The following CDK12 variants were observed in gnomAD, a reference collection of about 807,000 sequenced individuals.
CDK12 encodes cyclin-dependent kinase 12.
Under a neutral mutation model 133.8 loss-of-function variants are expected in CDK12, and 17 were observed. The ratio of observed to expected loss-of-function variants is 0.13; its 90% CI spans 0.09 to 0.19. The LOEUF (loss-of-function observed/expected upper bound fraction) is 0.19, where lower values mean the gene tolerates loss of function less well. CDK12 is among the 10% of genes least tolerant of loss of function. The pLI is 1.00. For missense variants in CDK12, 1,508 were observed against 1,818.7 expected (o/e 0.83, Z 3.11); for synonymous variants, 694 against 683.6 (o/e 1.02, Z -0.24).
chr17:39,565,880 T>A (rs2056556687), downstream of CDK12, among the ~76,000 whole-genome samples: 2 of 152,128 alleles, frequency 1.3e-5, no homozygotes, highest in Non-Finnish European at 2.9e-5. Context: ...AGGAAGGAGT[T>A]CTTCTGAGCT....
chr17:39,535,082 AAAATCTC>A (rs1219293372), downstream of CDK12: 1 of 152,220 alleles, frequency 6.6e-6, no homozygotes, highest in African/African-American at 2.4e-5. Context: ...TTTAAAAGTT[AAAATCTC>A]TATTGTTTCC....
In CDK12 at chr17:39,482,599, A is replaced by T. The variant is rs1049516983; in HGVS notation, c.1932-7958A>T. Among the ~76,000 whole-genome samples, 434 of 74,278 alleles carry T rather than the reference A, an allele frequency of 5.8e-3. 1 individual carries two copies. Among genetic ancestry groups the T allele is most frequent in the Middle Eastern group, 0.013 (1 of 76 alleles). 48.7% of individuals were successfully genotyped at this position (74,278 alleles called of 152,430 possible). A position where few individuals can be genotyped will look rare whatever the true frequency, so the allele number is the denominator to read the frequency against. On this transcript the variant is annotated intron_variant, in intron 2 of 13. Transcript: ENST00000447079. ...GCTGCCAAAGTGAACAATCAACTAC[A>T]TTTTTTTTTTTTTTTTTTTTTGAGG...
At chr17:39,510,512 C>A (rs983293407) in intron 7 of CDK12, among the ~76,000 whole-genome samples, 2 of 152,182 alleles carry the variant, frequency 1.3e-5, no homozygotes, top group African/African-American at 4.8e-5. Flanking sequence ...TTATCACTTA[C>A]ATTTTAGGCA....
At chr17:39,507,017 C>T (rs556946116) in intron 6 of CDK12, among the ~76,000 whole-genome samples, 26 of 152,104 alleles carry the variant, frequency 1.7e-4, no homozygotes, top group African/African-American at 6.0e-4. Context: ...CCACCTCAGC[C>T]TCCCAAGTGG....
At chr17:39,534,955 C>T (rs1598205351), downstream of CDK12, 1 of 152,224 alleles carries the variant, frequency 6.6e-6, no homozygotes, top group Non-Finnish European at 1.5e-5. Flanking sequence ...GACTTCACCA[C>T]CCACCCTACC....
In CDK12 at chr17:39,498,867, G is replaced by A. The variant is rs1453208850; in HGVS notation, c.2420-2383G>A. Among the ~76,000 whole-genome samples, 3 of 145,102 alleles carry A rather than the reference G, an allele frequency of 2.1e-5. 1 individual carries two copies. The highest frequency in any genetic ancestry group is 4.5e-5 in the Non-Finnish European group (3 of 66,304). Reference sequence around the variant, plus strand: ...TTTTTCTCTCAATTTTTAATACTATGATTTTCTCTTTCTTTCTTTCTTTCT... The same window carrying A: ...TTTTTCTCTCAATTTTTAATACTATAATTTTCTCTTTCTTTCTTTCTTTCT... On this transcript the variant is annotated intron_variant, in intron 5 of 13. Transcript: ENST00000447079.
At chr17:39,492,440 C>T (rs1452555159) in intron 3 of CDK12, among the ~76,000 whole-genome samples, 1 of 141,120 alleles carries the variant, frequency 7.1e-6, no homozygotes, top group Non-Finnish European at 1.5e-5. Flanking sequence ...GGGTGTCTTG[C>T]TCTGTCGCCC....
rs1478391183 is a variant in CDK12, at chr17:39,520,020, A to T, written c.3028A>T (p.Thr1010Ser). Residue 1010 changes from threonine (T) to serine (S), a missense_variant, in exon 11 of 14, where the codon ACA (threonine) becomes TCA (serine). This residue lies in a region of CDK12 where 399 missense variants were observed against 469.6 expected (regional missense o/e 0.85). Transcript: ENST00000447079. ...MLTLDPSKRC[T>S]AEQTLQSDFL... ...GACACTAGATCCTAGTAAGCGGTGC[A>T]CAGCTGAACAGACCCTACAGAGCGA... The T allele has an allele frequency of 1.2e-6, 2 of 1,614,054 alleles. No individual in the cohort carries two copies. The highest frequency in any genetic ancestry group is 3.3e-5 in the Admixed American group (2 of 60,000).
intron 8 of CDK12, among the ~76,000 whole-genome samples, chr17:39,513,918 A>C (rs2053639062): frequency 6.6e-6 from 1 of 152,210 alleles, no homozygotes; most frequent in Non-Finnish European, 1.5e-5. Flanking sequence ...CTAGTACAGC[A>C]AATTATGTCA....
chr17:39,561,180 C>A (rs1228781759), intron 3 of CDK12, among the ~76,000 whole-genome samples: 1 of 152,132 alleles, frequency 6.6e-6, no homozygotes, highest in African/African-American at 2.4e-5. Flanking sequence ...CCTTTGGATG[C>A]CTATCAGAGG....
intron 3 of CDK12, 85 bp downstream of exon 3, chr17:39,490,818 C>T (rs1567721955): frequency 1.0e-6 from 1 of 983,306 alleles, no homozygotes; most frequent in African/African-American, 1.6e-5. Flanking sequence ...CTATAACCCA[C>T]ACCAGTAAGA....
chr17:39,471,503 A>G lies in CDK12; in HGVS notation c.1671A>G (p.Ile557Met). The change falls in exon 2 of 14, where the codon ATA (isoleucine) becomes ATG (methionine). Residue 557 changes from isoleucine (I) to methionine (M), a missense_variant. Physicochemically the swap from Ile to Met is conservative, Grantham distance 10 (BLOSUM62 1). This residue lies in a region of CDK12 where 347 missense variants were observed against 330.8 expected (regional missense o/e 1.05). Transcript: ENST00000447079. ...QTPPLPPLPP[I>M]PALPQQPPLP... ...CCCCTTTGCCACCTTTGCCTCCAAT[A>G]CCAGCTCTTCCACAGCAACCACCTC... The G allele has an allele frequency of 6.2e-7, 1 of 1,611,734 alleles. No homozygotes were observed. Among genetic ancestry groups the G allele is most frequent in the Non-Finnish European group, 8.5e-7 (1 of 1,179,682 alleles).
At chr17:39,529,145 A>C (rs1316999113) in intron 13 of CDK12, among the ~76,000 whole-genome samples, 1 of 152,142 alleles carries the variant, frequency 6.6e-6, no homozygotes, top group Non-Finnish European at 1.5e-5. Flanking sequence ...TTTAAAGCTG[A>C]ACATTGACAA....
chr17:39,530,529 C>T, intron 13 of CDK12, 75 bp from the exon 14 acceptor site: 1 of 1,504,264 alleles, frequency 6.6e-7, no homozygotes. Flanking sequence ...GTTTATGTTG[C>T]ACAGTGTGTG....
At chr17:39,506,982 C>T (rs944409788) in intron 6 of CDK12, among the ~76,000 whole-genome samples, 8 of 151,834 alleles carry the variant, frequency 5.3e-5, no homozygotes, top group South Asian at 2.1e-4. Context: ...CTGCAACCTC[C>T]GCCTCCCAGG....
upstream of CDK12, among the ~76,000 whole-genome samples, chr17:39,544,781 C>T (rs1291601991): frequency 6.6e-6 from 1 of 152,074 alleles, no homozygotes; most frequent in Non-Finnish European, 1.5e-5. Flanking sequence ...CAGGCATGCA[C>T]CACCACACCC....
chr17:39,511,384 T>G, intron 7 of CDK12, 145 bp from the exon 8 acceptor site: 1 of 563,448 alleles, frequency 1.8e-6, no homozygotes, highest in Admixed American at 2.9e-5. Context: ...TCTGAACAGT[T>G]TGCTTTTGGA....
intron 2 of CDK12, among the ~76,000 whole-genome samples, chr17:39,485,193 A>G (rs892106987): frequency 6.7e-6 from 1 of 150,266 alleles, no homozygotes; most frequent in Non-Finnish European, 1.5e-5. Flanking sequence ...AAAAAAGTTC[A>G]GACACTCTGG....
Position 39,461,730 on chromosome 17 carries a change from C to T in CDK12, c.-342C>T, listed in dbSNP as rs2048974049. ...AGAGCTGGAGTCGGCTCCACAGCCC[C>T]GGGCCGTCGGCTTCTCACTTCCTGG... On this transcript the variant is annotated 5_prime_UTR_variant, in exon 1 of 14. Transcript: ENST00000447079. The T allele has an allele frequency of 1.1e-5, 4 of 364,430 alleles. No homozygotes were observed. Among genetic ancestry groups the T allele is most frequent in the Non-Finnish European group, 2.0e-5 (4 of 197,932 alleles). The allele number at this position is 364,430 out of a possible 1,614,324, so 22.6% of individuals were successfully genotyped here. A position where few individuals can be genotyped will look rare whatever the true frequency, so the allele number is the denominator to read the frequency against.
Sources: allele counts gnomAD v4.1 joint callset (sites outside exome capture counted in the v4.1 genomes callset), GRCh38; gene constraint gnomAD v4.1.1; regional missense constraint gnomAD v4.1.1; transcripts MANE v1.5; gene names NCBI Gene and HGNC (gene_info 2026-07-23, HGNC 2026-07-21).